The following PGM1 variants were observed in gnomAD, a reference collection of about 807,000 sequenced individuals.
PGM1 encodes the protein phosphoglucomutase-1.
PGM1 carries 52 observed loss-of-function variants against 55.6 expected under a neutral mutation model. That is an observed-to-expected ratio of 0.94 (90% CI 0.75 to 1.18). The LOEUF (loss-of-function observed/expected upper bound fraction) is 1.18, where lower values mean the gene tolerates loss of function less well. Ranked by LOEUF, PGM1 falls within the 50% of genes most tolerant of loss-of-function variation. The pLI, the probability that PGM1 is intolerant of heterozygous loss-of-function variation, is 0.00. For missense variants in PGM1, 724 were observed against 729.3 expected, an observed-to-expected ratio of 0.99 and a Z score of 0.08; for synonymous variants, 287 against 271.7, an observed-to-expected ratio of 1.06 and a Z score of -0.55.
intron 8 of PGM1, among the ~76,000 whole-genome samples, chr1:63,651,135 G>A (rs74079712): frequency 0.02 from 2,968 of 152,112 alleles, 109 homozygotes; most frequent in African/African-American, 0.068. Flanking sequence ...CATCTGGTCG[G>A]TGAAAACTTG....
At chr1:63,638,168 C>A (rs1246843196) in intron 6 of PGM1, among the ~76,000 whole-genome samples, 2 of 152,178 alleles carry the variant, frequency 1.3e-5, no homozygotes, top group Non-Finnish European at 2.9e-5. Flanking sequence ...TCTGATGAGA[C>A]AAAAGCAGCA....
At chr1:63,594,226 C>T (rs1647968559) in intron 1 of PGM1, 1 of 765,140 alleles carries the variant, frequency 1.3e-6, no homozygotes, top group Non-Finnish European at 1.6e-6. Context: ...TGGCGCTTCC[C>T]GCTGGCTCGG....
chr1:63,638,396 A>G (rs1445875825), intron 6 of PGM1, among the ~76,000 whole-genome samples: 1 of 152,238 alleles, frequency 6.6e-6, no homozygotes, highest in African/African-American at 2.4e-5. Context: ...GTGGATTTAA[A>G]TAGCTTAAAC....
intron 3 of PGM1, 116 bp from the exon 4 acceptor site, chr1:63,631,540 CA>C (rs1322405809): frequency 9.7e-6 from 9 of 928,018 alleles, no homozygotes; most frequent in African/African-American, 8.1e-5. Flanking sequence ...TGGAGCTGTT[CA>C]ATAATTGTCC....
rs56084088 is a variant in PGM1 at position 63,594,960 on chromosome 1, C to CAAAAAAA, written c.246+1235_246+1241dup. Among the ~76,000 whole-genome samples the CAAAAAAA allele has an allele frequency of 9.7e-5, 9 of 93,108 alleles. 1 individual carries two copies. The highest frequency in any genetic ancestry group is 3.3e-4 in the African/African-American group (8 of 24,036). The allele number at this position is 93,108 out of a possible 152,430, so 61.1% of individuals were successfully genotyped here. The stretch of plus-strand genomic sequence containing the variant: ...TCGGCGACAGAGCGAGACTCCGTCT[C>CAAAAAAA]AAAAAAAAAAAAAAAGAAAAAAAAA... On this transcript the variant is annotated intron_variant, in intron 1 of 10. Coordinates refer to ENST00000371084, the MANE Select transcript of PGM1 (RefSeq NM_002633.3).
At chr1:63,595,636 G>A (rs1648042773) in intron 1 of PGM1, among the ~76,000 whole-genome samples, 3 of 152,080 alleles carry the variant, frequency 2.0e-5, no homozygotes, top group Admixed American at 6.5e-5. Flanking sequence ...TGCTGAATTT[G>A]CATTTCATTC....
At chr1:63,651,878 A>G (rs770942384) in intron 9 of PGM1, 26 bp downstream of exon 9, 2 of 1,591,152 alleles carry the variant, frequency 1.3e-6, no homozygotes, top group Admixed American at 3.3e-5. Context: ...TGTGTAAGTG[A>G]GAGAGAGACC....
intron 1 of PGM1, 98 bp from the exon 2 acceptor site, chr1:63,629,327 A>T (rs1570493370): frequency 2.0e-6 from 2 of 980,232 alleles, no homozygotes; most frequent in Non-Finnish European, 1.7e-6. Flanking sequence ...TATTACTATT[A>T]TTTTTTTGTC....
chr1:63,601,953 T>C (rs1648255638), intron 1 of PGM1, among the ~76,000 whole-genome samples: 1 of 152,206 alleles, frequency 6.6e-6, no homozygotes, highest in African/African-American at 2.4e-5. Flanking sequence ...TGGAAAATTA[T>C]GTTTTCATAT....
Position 63,629,553 on chromosome 1 carries a change from A to G in PGM1, c.375A>G (p.Gly125=), listed in dbSNP as rs1386474722. The G allele has an allele frequency of 6.2e-7, 1 of 1,613,736 alleles. No individual in the cohort carries two copies. The highest frequency in any genetic ancestry group is 2.2e-5 in the East Asian group (1 of 44,886). Residue 125 remains glycine, a synonymous_variant, in exon 2 of 11, where the codon GGA becomes GGG. Coordinates refer to ENST00000371084, the MANE Select transcript of PGM1 (RefSeq NM_002633.3). The part of the protein sequence containing the change: ...TASHNPGGPN[G]DFGIKFNISN... ...GTCACAACCCAGGGGGCCCCAATGG[A>G]GATTTTGGAATCAAATTCAATATTT...
intron 10 of PGM1, among the ~76,000 whole-genome samples, chr1:63,656,545 C>T (rs966360466): frequency 6.6e-6 from 1 of 151,366 alleles, no homozygotes; most frequent in Admixed American, 6.6e-5. Flanking sequence ...CCTAAGTGCC[C>T]ATCTACAGAT....
intron 1 of PGM1, chr1:63,623,247 G>A (rs1648930096): frequency 1.4e-6 from 2 of 1,398,706 alleles, no homozygotes; most frequent in Non-Finnish European, 1.8e-6. Context: ...TTTGTGTGTG[G>A]GTGCGAGTGG....
At chr1:63,629,700 A>G (rs1570493996) in intron 2 of PGM1, 113 bp downstream of exon 2, 3 of 1,115,062 alleles carry the variant, frequency 2.7e-6, no homozygotes, top group Non-Finnish European at 4.0e-6. Context: ...GGGGGTAGGG[A>G]GGTGCTCTTT....
At chr1:63,622,767 G>A (rs1648916135) in intron 1 of PGM1, among the ~76,000 whole-genome samples, 1 of 152,162 alleles carries the variant, frequency 6.6e-6, no homozygotes, top group South Asian at 2.1e-4. Flanking sequence ...GAATAAATCT[G>A]TTAGATAATT....
At chr1:63,615,580 T>G (rs912234297) in intron 1 of PGM1, among the ~76,000 whole-genome samples, 11 of 127,998 alleles carry the variant, frequency 8.6e-5, no homozygotes, top group Admixed American at 5.2e-4. Flanking sequence ...TTTTTTTTTT[T>G]GAGACAGAGC....
intron 1 of PGM1, among the ~76,000 whole-genome samples, chr1:63,615,449 A>AGCC (rs1406777655): frequency 1.3e-5 from 2 of 151,590 alleles, no homozygotes; most frequent in Non-Finnish European, 2.9e-5. Context: ...TGTCCTTTAC[A>AGCC]GCCGGACATC....
chr1:63,641,005 G>A (rs2100992606), intron 7 of PGM1, among the ~76,000 whole-genome samples: 2 of 152,306 alleles, frequency 1.3e-5, no homozygotes, highest in Middle Eastern at 6.8e-3. Flanking sequence ...TTAGGAAGTT[G>A]CATAATACTG....
intron 1 of PGM1, among the ~76,000 whole-genome samples, chr1:63,607,185 G>T (rs1648446016): frequency 6.6e-6 from 1 of 152,168 alleles, no homozygotes; most frequent in Non-Finnish European, 1.5e-5. Flanking sequence ...CTACGTTTGT[G>T]TGGGTAGACT....
At chr1:63,641,849 A>G (rs1649527068) in intron 7 of PGM1, among the ~76,000 whole-genome samples, 1 of 152,218 alleles carries the variant, frequency 6.6e-6, no homozygotes, top group Non-Finnish European at 1.5e-5. Flanking sequence ...GGTGCTCAGT[A>G]AACGCTTGTT....
Sources: allele counts gnomAD v4.1 joint callset (sites outside exome capture counted in the v4.1 genomes callset), GRCh38; gene constraint gnomAD v4.1.1; transcripts MANE v1.5; gene names NCBI Gene and HGNC (gene_info 2026-07-23, HGNC 2026-07-21).